The following CDKAL1 variants were observed in gnomAD, a reference collection of about 807,000 sequenced individuals.
CDKAL1 encodes CDKAL1 threonylcarbamoyladenosine tRNA methylthiotransferase.
Under a neutral mutation model 68.2 loss-of-function variants are expected in CDKAL1, and 32 were observed. The ratio of observed to expected loss-of-function variants is 0.47; its 90% CI spans 0.35 to 0.63. The LOEUF (loss-of-function observed/expected upper bound fraction) is 0.63. Ranked by LOEUF, CDKAL1 falls within the 30% of genes least tolerant of loss-of-function variation. The pLI is 0.00. For synonymous variants in CDKAL1, 234 were observed against 244.3 expected, an observed-to-expected ratio of 0.96 and a Z score of 0.39; for missense variants, 606 against 696.7, an observed-to-expected ratio of 0.87 and a Z score of 1.47.
At chr6:20,687,088 G>T (rs756629305) in intron 5 of CDKAL1, among the ~76,000 whole-genome samples, 6 of 151,996 alleles carry the variant, frequency 3.9e-5, no homozygotes, top group Non-Finnish European at 7.4e-5. Flanking sequence ...TGTTATATTT[G>T]ATTTTCTATG....
At chr6:21,064,605 G>T (rs138459420) in intron 11 of CDKAL1, among the ~76,000 whole-genome samples, 2 of 152,190 alleles carry the variant, frequency 1.3e-5, no homozygotes, top group African/African-American at 2.4e-5. Flanking sequence ...TATATCAATT[G>T]GCTCTACAGT....
At chr6:21,075,123 C>T (rs1582146458) in intron 12 of CDKAL1, among the ~76,000 whole-genome samples, 1 of 144,650 alleles carries the variant, frequency 6.9e-6, no homozygotes, top group African/African-American at 2.6e-5. Flanking sequence ...GAGTACAATA[C>T]AATACCAGTT....
chr6:20,544,472 TGTAGTCC>T (rs1763511948), intron 2 of CDKAL1, among the ~76,000 whole-genome samples: 1 of 151,372 alleles, frequency 6.6e-6, no homozygotes, highest in African/African-American at 2.4e-5. Context: ...GGCGCGCGCC[TGTAGTCC>T]CAGCTACACG....
intron 4 of CDKAL1, among the ~76,000 whole-genome samples, chr6:20,645,333 T>C (rs957968985): frequency 2.0e-5 from 3 of 152,000 alleles, no homozygotes; most frequent in African/African-American, 7.3e-5. Flanking sequence ...AACCTTTTAA[T>C]TTTTGAAAAC....
intron 13 of CDKAL1, among the ~76,000 whole-genome samples, chr6:21,159,340 C>A (rs1290433043): frequency 1.3e-5 from 2 of 152,078 alleles, no homozygotes; most frequent in African/African-American, 4.8e-5. Flanking sequence ...GCCCAAGCAA[C>A]CTCTTCTTTT....
At chr6:20,910,453 A>G (rs913639500) in intron 9 of CDKAL1, among the ~76,000 whole-genome samples, 1 of 152,196 alleles carries the variant, frequency 6.6e-6, no homozygotes, top group Non-Finnish European at 1.5e-5. Flanking sequence ...TGGGTGTCCT[A>G]TCTGGCAACC....
chr6:20,909,614 C>T (rs1252085695), intron 9 of CDKAL1, among the ~76,000 whole-genome samples: 1 of 152,080 alleles, frequency 6.6e-6, no homozygotes, highest in Non-Finnish European at 1.5e-5. Context: ...TTTATTTTTT[C>T]AGCGTTGGAA....
intron 4 of CDKAL1, among the ~76,000 whole-genome samples, chr6:20,608,658 C>T (rs150799810): frequency 3.7e-3 from 556 of 152,246 alleles, no homozygotes; most frequent in African/African-American, 0.012. Context: ...TGAAGTTGCC[C>T]GCAGTCAAAT....
intron 4 of CDKAL1, among the ~76,000 whole-genome samples, chr6:20,615,646 A>C (rs1373989340): frequency 1.0e-5 from 1 of 98,180 alleles, no homozygotes; most frequent in Non-Finnish European, 2.1e-5. Flanking sequence ...TTTCTTGTAA[A>C]TTTGTTTGAG....
chr6:20,720,475 A>G (rs932613915), intron 5 of CDKAL1, among the ~76,000 whole-genome samples: 1 of 151,938 alleles, frequency 6.6e-6, no homozygotes, highest in African/African-American at 2.4e-5. Context: ...TTTCTTCATC[A>G]TTCCTTCTCC....
chr6:20,802,126 C>T (rs561704910), intron 8 of CDKAL1, among the ~76,000 whole-genome samples: 337 of 151,808 alleles, frequency 2.2e-3, no homozygotes, highest in Non-Finnish European at 3.5e-3. Context: ...GGTGAAACCC[C>T]GTCTCTACTA....
At chr6:20,578,869 G>A (rs1000961951) in intron 4 of CDKAL1, among the ~76,000 whole-genome samples, 2 of 152,168 alleles carry the variant, frequency 1.3e-5, no homozygotes, top group Admixed American at 6.5e-5. Flanking sequence ...GGCAGGCATC[G>A]ATGAGCTTAA....
chr6:21,152,616 C>A (rs1466517958), intron 13 of CDKAL1, among the ~76,000 whole-genome samples: 3 of 152,192 alleles, frequency 2.0e-5, no homozygotes, highest in African/African-American at 7.2e-5. Flanking sequence ...ATTTCTGGAG[C>A]CTATGCTAGC....
At chr6:20,979,916 C>T (rs1051975917) in intron 10 of CDKAL1, among the ~76,000 whole-genome samples, 3 of 151,690 alleles carry the variant, frequency 2.0e-5, no homozygotes, top group Non-Finnish European at 4.4e-5. Context: ...GGATTACAGG[C>T]ATGCACCACC....
chr6:20,775,923 T>G (rs756517209), intron 7 of CDKAL1, among the ~76,000 whole-genome samples: 11 of 152,206 alleles, frequency 7.2e-5, no homozygotes, highest in Non-Finnish European at 1.5e-4. Context: ...ATTCCCTCCT[T>G]TCATCTTTGG....
intron 2 of CDKAL1, among the ~76,000 whole-genome samples, chr6:20,536,503 A>C (rs550825748): frequency 6.6e-6 from 1 of 152,092 alleles, no homozygotes; most frequent in East Asian, 1.9e-4. Context: ...TGAAAAAAAA[A>C]CTACGCTTTC....
chr6:21,029,470 T>A (rs1173496844), intron 11 of CDKAL1, among the ~76,000 whole-genome samples: 1 of 151,834 alleles, frequency 6.6e-6, no homozygotes, highest in East Asian at 1.9e-4. Context: ...ATAAAGGTGG[T>A]CTTGGCAAAT....
chr6:21,062,277 T>C (rs973939033), intron 11 of CDKAL1, among the ~76,000 whole-genome samples: 1 of 152,224 alleles, frequency 6.6e-6, no homozygotes, highest in Admixed American at 6.5e-5. Context: ...CTAGGAGAGA[T>C]GGACTATTCT....
rs5874791 is a variant in CDKAL1 at position 20,891,536 on chromosome 6, ATTTT to A, written c.742+45372_742+45375del. On this transcript the variant is annotated intron_variant, in intron 9 of 15. Coordinates refer to ENST00000274695, the MANE Select transcript of CDKAL1 (RefSeq NM_017774.3). ...TGCTTATTTCTTTTCTTTTTTCTGT[ATTTT>A]TTTTTTTTTTTTTGAGACGGAGTCT... Among the ~76,000 whole-genome samples the A allele has an allele frequency of 1.4e-3, 175 of 127,500 alleles. 2 individuals are homozygous for A. Among genetic ancestry groups the A allele is most frequent in the Non-Finnish European group, 1.8e-3 (105 of 59,720 alleles). The allele number at this position is 127,500 out of a possible 152,430, so 83.6% of individuals were successfully genotyped here. A position where few individuals can be genotyped will look rare whatever the true frequency, so the allele number is the denominator to read the frequency against.
Sources: gnomAD v4.1 joint callset for allele counts (sites outside exome capture counted in the v4.1 genomes callset) on GRCh38, gnomAD v4.1.1 for gene constraint, MANE v1.5 for transcripts, NCBI Gene and HGNC (gene_info 2026-07-23, HGNC 2026-07-21) for gene names.